Variants in HCRTR2 observed in about 807,000 individuals in gnomAD.
The protein encoded by HCRTR2 is hypocretin receptor 2, also known as orexin receptor type 2.
Under a neutral mutation model 49.0 loss-of-function variants are expected in HCRTR2, and 22 were observed. The ratio of observed to expected loss-of-function variants is 0.45; its 90% CI spans 0.32 to 0.64. HCRTR2 has a LOEUF of 0.64. Among genes scored for constraint, HCRTR2 ranks in the 30% least tolerant of loss-of-function variants. The pLI is 0.04. For synonymous variants in HCRTR2, 236 were observed against 205.3 expected (o/e 1.15, Z -1.28); for missense variants, 491 against 559.4 (o/e 0.88, Z 1.23).
chr6:55,234,380 G>C (rs750476854), intron 1 of HCRTR2, among the ~76,000 whole-genome samples: 10 of 152,164 alleles, frequency 6.6e-5, no homozygotes, highest in Middle Eastern at 6.8e-3. Flanking sequence ...GAAAAAATAG[G>C]CTATCTATAT....
intron 1 of HCRTR2, among the ~76,000 whole-genome samples, chr6:55,114,156 A>G (rs1379388526): frequency 6.6e-6 from 1 of 151,832 alleles, no homozygotes; most frequent in Non-Finnish European, 1.5e-5. Context: ...TTAAAATACT[A>G]CAGATTGGGT....
chr6:55,121,855 T>A (rs1369980870), intron 1 of HCRTR2, among the ~76,000 whole-genome samples: 3 of 152,094 alleles, frequency 2.0e-5, no homozygotes, highest in Non-Finnish European at 4.4e-5. Flanking sequence ...CTGCTGGATT[T>A]GGTTTGCCAG....
Position 55,275,457 on chromosome 6 carries a change from C to T in HCRTR2, c.763-1923C>T, listed in dbSNP as rs575634548. 2.6e-5 allele frequency among the ~76,000 whole-genome samples: 4 copies of T among 152,180 alleles called. No homozygotes were observed. The South Asian group carries it at 6.2e-4, about 24-fold the overall frequency. On this transcript the variant is annotated intron_variant, in intron 4 of 6. Transcript: ENST00000370862. Reference sequence around the variant, plus strand: ...TCTCTGAATTCTCCATGTCTCTAGACAGCTTATCAATGGAGAAATTTATGT... The same window carrying T: ...TCTCTGAATTCTCCATGTCTCTAGATAGCTTATCAATGGAGAAATTTATGT...
chr6:55,262,118 G>A (rs1270638270), intron 3 of HCRTR2, among the ~76,000 whole-genome samples: 2 of 151,708 alleles, frequency 1.3e-5, no homozygotes, highest in Non-Finnish European at 2.9e-5. Flanking sequence ...TCAGGGGAAA[G>A]TGAGGGAGAG....
chr6:55,140,650 ACTCT>A (rs1042395038), intron 1 of HCRTR2, among the ~76,000 whole-genome samples: 36 of 152,154 alleles, frequency 2.4e-4, no homozygotes, highest in Admixed American at 4.6e-4. Context: ...GTTAAAAAAT[ACTCT>A]CTCTCACACA....
At chr6:55,163,971 A>C (rs1352899095) in intron 1 of HCRTR2, among the ~76,000 whole-genome samples, 1 of 152,228 alleles carries the variant, frequency 6.6e-6, no homozygotes, top group Non-Finnish European at 1.5e-5. Flanking sequence ...AAGGATGTGA[A>C]CAGACACCTC....
At chr6:55,225,958 C>T (rs1765995937) in intron 1 of HCRTR2, among the ~76,000 whole-genome samples, 1 of 152,216 alleles carries the variant, frequency 6.6e-6, no homozygotes, top group Non-Finnish European at 1.5e-5. Context: ...GTCCTCACCA[C>T]AATACTGTTA....
intron 1 of HCRTR2, among the ~76,000 whole-genome samples, chr6:55,192,060 A>T (rs1031434372): frequency 1.3e-5 from 2 of 152,008 alleles, no homozygotes; most frequent in Non-Finnish European, 2.9e-5. Flanking sequence ...GTAAGTCTAA[A>T]TTTTTTTTCT....
chr6:55,240,865 T>C (rs1766315332), intron 1 of HCRTR2: 1 of 272,546 alleles, frequency 3.7e-6, no homozygotes, highest in Admixed American at 4.8e-5. Flanking sequence ...TTGCGTTTTT[T>C]TCTTTTTCAT....
chr6:55,237,175 A>G (rs1445902870), intron 1 of HCRTR2, among the ~76,000 whole-genome samples: 1 of 152,042 alleles, frequency 6.6e-6, no homozygotes, highest in Non-Finnish European at 1.5e-5. Flanking sequence ...TCTTTATAAT[A>G]TATCTACTTT....
chr6:55,246,464 A>G (rs759488734), intron 1 of HCRTR2, among the ~76,000 whole-genome samples: 30 of 152,112 alleles, frequency 2.0e-4, no homozygotes, highest in Admixed American at 5.9e-4. Context: ...TTCAAGCAGG[A>G]TGAATCAGAG....
rs546594239 is a variant in HCRTR2 at position 55,127,079 on chromosome 6, G to A, written c.-378+20534G>A. Among the ~76,000 whole-genome samples, 7 of 152,200 alleles carry A rather than the reference G, an allele frequency of 4.6e-5. No individual in the cohort carries two copies. The South Asian group carries it at 1.0e-3, about 23-fold the overall frequency. ...GTACCCCTTCCAGTGGGAGTGATTG[G>A]TTCTGTCTCGCTGACATTCCAGGCG... On this transcript the variant is annotated intron_variant, in intron 1 of 7. Transcript: ENST00000615358.
intron 1 of HCRTR2, among the ~76,000 whole-genome samples, chr6:55,162,011 C>A (rs1242992205): frequency 6.6e-6 from 1 of 152,114 alleles, no homozygotes; most frequent in Non-Finnish European, 1.5e-5. Flanking sequence ...GATACCAAAA[C>A]CTGGCAGAGA....
chr6:55,271,524 T>A (rs1342148932), intron 4 of HCRTR2, among the ~76,000 whole-genome samples: 3 of 152,130 alleles, frequency 2.0e-5, no homozygotes, highest in Admixed American at 6.6e-5. Flanking sequence ...AATGACAATG[T>A]AGATACATTA....
chr6:55,200,197 C>A (rs1245850053), intron 1 of HCRTR2, among the ~76,000 whole-genome samples: 1 of 139,260 alleles, frequency 7.2e-6, no homozygotes, highest in Non-Finnish European at 1.6e-5. Flanking sequence ...GTTTTTTTTT[C>A]AATTTTACTA....
At chr6:55,117,584 A>G (rs1764135639) in intron 1 of HCRTR2, among the ~76,000 whole-genome samples, 2 of 151,708 alleles carry the variant, frequency 1.3e-5, no homozygotes, top group South Asian at 4.2e-4. Flanking sequence ...TCTTTTAGCT[A>G]TGTTGAAACA....
chr6:55,271,817 G>T (rs1209327697), intron 4 of HCRTR2, among the ~76,000 whole-genome samples: 7 of 152,036 alleles, frequency 4.6e-5, no homozygotes, highest in Admixed American at 4.6e-4. Context: ...AAAATCATGA[G>T]AAACCTATTC....
chr6:55,116,715 G>GAAAAAAAA, intron 1 of HCRTR2, among the ~76,000 whole-genome samples: 1 of 88,518 alleles, frequency 1.1e-5, no homozygotes, highest in Non-Finnish European at 2.3e-5. Context: ...AAGAGAGAGA[G>GAAAAAAAA]AAAAAAAAAA....
At chr6:55,201,262 C>T (rs1314223286) in intron 1 of HCRTR2, among the ~76,000 whole-genome samples, 1 of 151,818 alleles carries the variant, frequency 6.6e-6, no homozygotes, top group East Asian at 1.9e-4. Context: ...CATATGTAGT[C>T]CAAGAATGTG....
Sources: gnomAD v4.1 joint callset for allele counts (sites outside exome capture counted in the v4.1 genomes callset) on GRCh38, gnomAD v4.1.1 for gene constraint, MANE v1.5 for transcripts, NCBI Gene and HGNC (gene_info 2026-07-23, HGNC 2026-07-21) for gene names.